The following DUS2 variants were observed in gnomAD, a reference collection of about 807,000 sequenced individuals.
DUS2 encodes the protein dihydrouridine synthase 2.
In DUS2, 52 loss-of-function variants were observed where a neutral mutation model predicts 71.3. That is an observed-to-expected ratio of 0.73 (90% CI 0.58 to 0.92). DUS2 has a LOEUF of 0.92. Ranked by LOEUF, DUS2 falls within the 40% of genes least tolerant of loss-of-function variation. The pLI, the probability that DUS2 is intolerant of heterozygous loss-of-function variation, is 0.00. For synonymous variants in DUS2, 204 were observed against 227.8 expected (o/e 0.90, Z 0.94); for missense variants, 558 against 622.6 (o/e 0.90, Z 1.10).
chr16:68,049,558 C>T lies in DUS2; in HGVS notation c.172+8C>T, dbSNP rs3815174. 2.5e-6 allele frequency: 4 copies of T among 1,613,980 alleles called. No homozygotes were observed. The East Asian group carries it at 6.7e-5, about 27-fold the overall frequency. ...GCAAGAGAGTTGTTAATGGTGAGTACAGATCTGGCTCCAGAATTATGCATA... is the reference window on the plus strand; with the variant it reads ...GCAAGAGAGTTGTTAATGGTGAGTATAGATCTGGCTCCAGAATTATGCATA... On this transcript the variant is annotated splice_region_variant and intron_variant, in intron 4 of 16. Transcript: ENST00000565263.
At position 68,057,572 on chromosome 16, in the gene DUS2, A is replaced by C. The variant is rs1384524426; in HGVS notation, c.369+1148A>C. ...ACAGAGTGAAACCCTGTCTCTATAAAAATTTTCAAAAGTTTAAAAAAAAAA... is the reference window on the plus strand; with the variant it reads ...ACAGAGTGAAACCCTGTCTCTATAACAATTTTCAAAAGTTTAAAAAAAAAA... On this transcript the variant is annotated intron_variant, in intron 7 of 16. Transcript: ENST00000565263. Among the ~76,000 whole-genome samples, 3 of 151,862 alleles carry C rather than the reference A, an allele frequency of 2.0e-5. No individual in the cohort carries two copies. In the South Asian group the frequency reaches 6.2e-4, roughly 32 times the overall value.
intron 12 of DUS2, 124 bp from the exon 13 acceptor site, chr16:68,073,910 G>T (rs895939618): frequency 5.8e-6 from 7 of 1,212,130 alleles, no homozygotes; most frequent in South Asian, 2.8e-5. Context: ...TTCTTATGGG[G>T]GTCACATTGC....
chr16:68,068,698 C>T (rs907543089), intron 10 of DUS2, among the ~76,000 whole-genome samples: 2 of 149,180 alleles, frequency 1.3e-5, no homozygotes, highest in East Asian at 2.0e-4. Flanking sequence ...AAGCAATTCT[C>T]CTGCCTCAGC....
Position 68,038,050 on chromosome 16 carries a change from T to A in DUS2, c.27T>A (p.Cys9Ter). Residue 9 changes from cysteine (C) to a stop codon, truncating the protein, a stop_gained, in exon 3 of 17, where the codon TGT becomes TGA. Transcript: ENST00000565263. LOFTEE classifies it high-confidence loss of function. ...TGATTTTGAATAGCCTCTCTCTGTG[T>A]TACCATAATAAGCTAATCCTGGCCC... Reference protein sequence around the residue: MILNSLSLCYHNKLILAPM... With the variant: MILNSLSL 1.2e-6 allele frequency: 2 copies of A among 1,614,026 alleles called. No homozygotes were observed. The highest frequency in any genetic ancestry group is 1.7e-6 in the Non-Finnish European group (2 of 1,179,940).
chr16:68,040,611 A>C (rs2033609170), intron 3 of DUS2, among the ~76,000 whole-genome samples: 1 of 152,142 alleles, frequency 6.6e-6, no homozygotes, highest in South Asian at 2.1e-4. Context: ...CAAATAAACA[A>C]AGGGGTATCT....
intron 10 of DUS2, among the ~76,000 whole-genome samples, chr16:68,069,003 C>T (rs1423611349): frequency 6.6e-6 from 1 of 152,078 alleles, no homozygotes; most frequent in Non-Finnish European, 1.5e-5. Context: ...ACCATCAAAG[C>T]TGGTGAGATG....
chr16:68,036,825 T>G (rs1006790336), intron 2 of DUS2, among the ~76,000 whole-genome samples: 12 of 152,318 alleles, frequency 7.9e-5, no homozygotes, highest in African/African-American at 2.4e-4. Context: ...TTGCATTGGT[T>G]ATTTCCTCTG....
intron 3 of DUS2, among the ~76,000 whole-genome samples, chr16:68,044,620 C>T (rs543485142): frequency 1.3e-5 from 2 of 151,942 alleles, no homozygotes; most frequent in South Asian, 4.2e-4. Context: ...TGGTCTCGAA[C>T]TCCTGATCTC....
At chr16:68,056,590 T>C (rs1186904373) in intron 7 of DUS2, among the ~76,000 whole-genome samples, 166 bp downstream of exon 7, 1 of 152,192 alleles carries the variant, frequency 6.6e-6, no homozygotes, top group African/African-American at 2.4e-5. Flanking sequence ...ATAGGGACCA[T>C]AGTATATTAG....
At chr16:68,061,736 C>G (rs1435665859) in intron 8 of DUS2, among the ~76,000 whole-genome samples, 6 of 152,188 alleles carry the variant, frequency 3.9e-5, no homozygotes, top group African/African-American at 1.4e-4. Flanking sequence ...CTTTGTTTTC[C>G]TTTTCATTCT....
At chr16:68,044,715 T>C (rs1048637652) in intron 3 of DUS2, among the ~76,000 whole-genome samples, 1 of 152,036 alleles carries the variant, frequency 6.6e-6, no homozygotes, top group African/African-American at 2.4e-5. Flanking sequence ...CTTTAATTTC[T>C]TTCAACAGTG....
rs115657843 is a variant in DUS2 at position 68,042,484 on chromosome 16, C to T, written c.126+4335C>T. On this transcript the variant is annotated intron_variant, in intron 3 of 16. Coordinates refer to ENST00000565263, the MANE Select transcript of DUS2 (RefSeq NM_017803.5). Reference sequence around the variant, plus strand: ...CTGCATCATTTTACAATCCCACTAACAGCACACAAAGCTTCCGGTTTCTCT... The same window carrying T: ...CTGCATCATTTTACAATCCCACTAATAGCACACAAAGCTTCCGGTTTCTCT... Among the ~76,000 whole-genome samples, 772 of 152,206 alleles carry T rather than the reference C, an allele frequency of 5.1e-3. 6 individuals carry two copies. Among genetic ancestry groups the T allele is most frequent in the African/African-American group, 0.018 (737 of 41,538 alleles).
chr16:68,061,649 C>G (rs1329487802), intron 8 of DUS2, among the ~76,000 whole-genome samples: 1 of 152,212 alleles, frequency 6.6e-6, no homozygotes, highest in East Asian at 1.9e-4. Flanking sequence ...TTTGGTGATT[C>G]TGTAGGCTAG....
chr16:68,070,520 T>A (rs2034069415), intron 11 of DUS2, among the ~76,000 whole-genome samples: 1 of 152,136 alleles, frequency 6.6e-6, no homozygotes, highest in Non-Finnish European at 1.5e-5. Flanking sequence ...CCTCCTTCCT[T>A]CCTCTTGTCA....
At chr16:68,078,126 A>G in intron 15 of DUS2, 1 of 378,674 alleles carries the variant, frequency 2.6e-6, no homozygotes, top group Non-Finnish European at 4.9e-6. Flanking sequence ...GTCCCTTCTC[A>G]CCCTTTTGGC....
At chr16:68,060,104 A>G (rs1262424495) in intron 7 of DUS2, among the ~76,000 whole-genome samples, 1 of 152,186 alleles carries the variant, frequency 6.6e-6, no homozygotes, top group Non-Finnish European at 1.5e-5. Flanking sequence ...CTATGCAAGC[A>G]TTGAGTATGA....
At chr16:68,049,152 A>G (rs1459880591) in intron 3 of DUS2, among the ~76,000 whole-genome samples, 1 of 152,134 alleles carries the variant, frequency 6.6e-6, no homozygotes, top group African/African-American at 2.4e-5. Flanking sequence ...GCTGAGGGAT[A>G]GGTGGGATAT....
Position 68,075,463 on chromosome 16 carries a change from A to T in DUS2, c.1041A>T (p.Glu347Asp). ...KTSEQTGEPA[E>D]DTSGVIKMAV... ...CAGAGCAGACAGGGGAGCCAGCTGA[A>T]GATACCTCTGGTGTCATTAAGATGG... Residue 347 changes from glutamate to aspartate, a missense_variant, in exon 14 of 17, where the codon GAA (glutamate) becomes GAT (aspartate). Physicochemically the swap from Glu to Asp is conservative, Grantham distance 45 (BLOSUM62 2). Coordinates refer to ENST00000565263, the MANE Select transcript of DUS2 (RefSeq NM_017803.5). 6.2e-7 allele frequency: 1 copy of T among 1,613,890 alleles called. No individual in the cohort carries two copies. Among genetic ancestry groups the T allele is most frequent in the Non-Finnish European group, 8.5e-7 (1 of 1,179,864 alleles).
In DUS2 at chr16:68,036,122, G is replaced by C. The variant is rs113291589; in HGVS notation, c.-18-1884G>C. ...AGCAATTCTCTTGCCTCAGCCTCCAGAGTAGCTGGGACTACAGGCATGCAT... is the reference window on the plus strand; with the variant it reads ...AGCAATTCTCTTGCCTCAGCCTCCACAGTAGCTGGGACTACAGGCATGCAT... On this transcript the variant is annotated intron_variant, in intron 2 of 16. Transcript: ENST00000565263. Among the ~76,000 whole-genome samples the C allele has an allele frequency of 3.3e-3, 501 of 150,206 alleles. 5 individuals are homozygous for C. Among genetic ancestry groups the C allele is most frequent in the African/African-American group, 0.012 (470 of 40,692 alleles).
Sources: allele counts gnomAD v4.1 joint callset (sites outside exome capture counted in the v4.1 genomes callset), GRCh38; gene constraint gnomAD v4.1.1; transcripts MANE v1.5; gene names NCBI Gene and HGNC (gene_info 2026-07-23, HGNC 2026-07-21).